The following NKAIN3 variants were observed in gnomAD, a reference collection of about 807,000 sequenced individuals.
NKAIN3 encodes the protein sodium/potassium-transporting ATPase subunit beta-1-interacting protein 3.
Under a neutral mutation model 30.2 loss-of-function variants are expected in NKAIN3, and 25 were observed. The observed-to-expected ratio is 0.83, with a 90% CI of 0.60 to 1.16. The LOEUF is 1.16. Ranked by LOEUF, NKAIN3 falls within the 50% of genes most tolerant of loss-of-function variation. The pLI is 0.00. For missense variants in NKAIN3, 225 were observed against 254.1 expected, an observed-to-expected ratio of 0.89 and a Z score of 0.78; for synonymous variants, 91 against 89.6, an observed-to-expected ratio of 1.02 and a Z score of -0.09.
At chr8:62,928,562 C>T (rs1011257638) in intron 5 of NKAIN3, among the ~76,000 whole-genome samples, 2 of 152,204 alleles carry the variant, frequency 1.3e-5, no homozygotes, top group Non-Finnish European at 2.9e-5. Context: ...GTTCTCCTCC[C>T]AAGCACACAA....
intron 4 of NKAIN3, among the ~76,000 whole-genome samples, chr8:62,802,956 G>A (rs947444557): frequency 3.3e-5 from 5 of 152,050 alleles, no homozygotes; most frequent in Admixed American, 3.3e-4. Context: ...AAAGGCAGGG[G>A]TTGCAATCCT....
intron 1 of NKAIN3, among the ~76,000 whole-genome samples, chr8:62,449,744 A>T (rs1441021969): frequency 1.3e-5 from 2 of 152,096 alleles, no homozygotes; most frequent in Non-Finnish European, 1.5e-5. Context: ...TTACTTGTTG[A>T]TGAGTTTTTG....
At chr8:62,390,266 A>C (rs1283514276) in intron 1 of NKAIN3, among the ~76,000 whole-genome samples, 7 of 152,010 alleles carry the variant, frequency 4.6e-5, no homozygotes, top group Non-Finnish European at 1.0e-4. Context: ...CTCATCATTT[A>C]GCTCCCATTT....
At chr8:62,898,106 T>G (rs921821508) in intron 4 of NKAIN3, among the ~76,000 whole-genome samples, 11 of 151,946 alleles carry the variant, frequency 7.2e-5, no homozygotes, top group African/African-American at 2.7e-4. Flanking sequence ...AAATAATGAA[T>G]CTCCTGGACC....
At chr8:62,905,134 C>G (rs1821738968) in intron 4 of NKAIN3, among the ~76,000 whole-genome samples, 1 of 152,044 alleles carries the variant, frequency 6.6e-6, no homozygotes, top group African/African-American at 2.4e-5. Context: ...CTAAAAAAAT[C>G]AAAGAAAGTG....
chr8:62,673,385 A>G (rs1238334791), intron 3 of NKAIN3, among the ~76,000 whole-genome samples: 1 of 152,238 alleles, frequency 6.6e-6, no homozygotes, highest in Non-Finnish European at 1.5e-5. Context: ...ACCATCATGA[A>G]AACAGAAAAG....
chr8:62,267,289 AT>A (rs990369238), intron 1 of NKAIN3, among the ~76,000 whole-genome samples: 4 of 152,196 alleles, frequency 2.6e-5, no homozygotes, highest in African/African-American at 7.2e-5. Context: ...ATTCAATTTG[AT>A]TTTCCTGCAA....
intron 4 of NKAIN3, among the ~76,000 whole-genome samples, chr8:62,869,886 G>GA (rs1554586476): frequency 1.3e-5 from 2 of 151,888 alleles, no homozygotes; most frequent in African/African-American, 4.8e-5. Context: ...TCCTGCCTCA[G>GA]CCCCCCCGAA....
At chr8:62,783,247 G>C (rs1049885222) in intron 4 of NKAIN3, among the ~76,000 whole-genome samples, 4 of 152,030 alleles carry the variant, frequency 2.6e-5, no homozygotes, top group Non-Finnish European at 5.9e-5. Flanking sequence ...ATTAAGTCAT[G>C]AGGGCTTTGA....
At chr8:62,948,823 C>T (rs192039398) in intron 5 of NKAIN3, among the ~76,000 whole-genome samples, 1 of 152,164 alleles carries the variant, frequency 6.6e-6, no homozygotes, top group Non-Finnish European at 1.5e-5. Flanking sequence ...TCTCTTTCTT[C>T]ATCTAACGGT....
At chr8:62,988,625 C>G (rs1040723398), downstream of NKAIN3, among the ~76,000 whole-genome samples, 3 of 152,214 alleles carry the variant, frequency 2.0e-5, no homozygotes, top group Non-Finnish European at 4.4e-5. Context: ...CACCAAGTCC[C>G]TTGGATGTAC....
intron 1 of NKAIN3, among the ~76,000 whole-genome samples, chr8:62,507,689 C>G (rs1807685204): frequency 6.6e-6 from 1 of 151,954 alleles, no homozygotes; most frequent in South Asian, 2.1e-4. Context: ...ATTTATATGA[C>G]TCTCTTTTCC....
At chr8:62,863,771 A>G in intron 4 of NKAIN3, 1 of 1,611,078 alleles carries the variant, frequency 6.2e-7, no homozygotes, top group Non-Finnish European at 8.5e-7. Flanking sequence ...GCACAGCCAG[A>G]CAGTAGAGAA....
At chr8:62,429,814 AT>A (rs1005413105) in intron 1 of NKAIN3, among the ~76,000 whole-genome samples, 6 of 151,934 alleles carry the variant, frequency 3.9e-5, no homozygotes, top group African/African-American at 1.4e-4. Context: ...TTTTTTAATT[AT>A]TTTTTTATTG....
intron 2 of NKAIN3, among the ~76,000 whole-genome samples, chr8:62,585,902 C>A (rs953167036): frequency 2.8e-4 from 43 of 152,132 alleles, no homozygotes; most frequent in African/African-American, 1.0e-3. Flanking sequence ...TATTCTACTT[C>A]TAAATTTAAA....
At chr8:62,933,307 G>A (rs186929123) in intron 5 of NKAIN3, among the ~76,000 whole-genome samples, 30 of 152,292 alleles carry the variant, frequency 2.0e-4, no homozygotes, top group African/African-American at 7.0e-4. Context: ...AAACGGAAAT[G>A]TCCAAAATTG....
At chr8:62,549,001 A>C (rs1809107828) in intron 1 of NKAIN3, among the ~76,000 whole-genome samples, 1 of 152,162 alleles carries the variant, frequency 6.6e-6, no homozygotes, top group Non-Finnish European at 1.5e-5. Flanking sequence ...GCTTCCCTCC[A>C]CATGCTTAAT....
At chr8:62,411,315 T>A (rs1804229824) in intron 1 of NKAIN3, among the ~76,000 whole-genome samples, 1 of 152,174 alleles carries the variant, frequency 6.6e-6, no homozygotes, top group African/African-American at 2.4e-5. Flanking sequence ...ATCCTTTCAA[T>A]AGATGGAGAA....
intron 1 of NKAIN3, among the ~76,000 whole-genome samples, chr8:62,504,362 C>G (rs1162668671): frequency 6.6e-6 from 1 of 152,188 alleles, no homozygotes; most frequent in Non-Finnish European, 1.5e-5. Context: ...ATTGCTGTCC[C>G]TTAATGCATA....
Sources: gnomAD v4.1 joint callset for allele counts (sites outside exome capture counted in the v4.1 genomes callset) on GRCh38, gnomAD v4.1.1 for gene constraint, MANE v1.5 for transcripts, NCBI Gene and HGNC (gene_info 2026-07-23, HGNC 2026-07-21) for gene names.